The following GALR1 variants were observed in gnomAD, a reference collection of about 807,000 sequenced individuals.
GALR1 encodes the protein galanin receptor 1.
A neutral mutation model predicts 17.9 loss-of-function variants in GALR1; 11 were observed. That is an observed-to-expected ratio of 0.62 (90% confidence interval 0.39 to 1.02). The LOEUF (loss-of-function observed/expected upper bound fraction) is 1.02. Ranked by LOEUF, GALR1 falls within the 50% of genes least tolerant of loss-of-function variation. The pLI is 0.01. For synonymous variants in GALR1, 206 were observed against 205.7 expected, an observed-to-expected ratio of 1.00 and a Z score of -0.01; for missense variants, 441 against 456.9, an observed-to-expected ratio of 0.97 and a Z score of 0.32.
rs529197501 is a variant in GALR1, at chr18:77,256,288, A to C, written c.732+65A>C. ...AGCTTAGTTTACCTTTGTTTTTTTTACTTGTCCTCACGTCCATCCAAAGCC... is the reference window on the plus strand; with the variant it reads ...AGCTTAGTTTACCTTTGTTTTTTTTCCTTGTCCTCACGTCCATCCAAAGCC... On this transcript the variant is annotated intron_variant, in intron 2 of 2. Transcript: ENST00000299727. 30 of 906,710 alleles carry C rather than the reference A, an allele frequency of 3.3e-5. No individual in the cohort carries two copies. In the East Asian group the frequency reaches 5.1e-4, roughly 15 times the overall value. 56.2% of individuals were successfully genotyped at this position (906,710 alleles called of 1,614,324 possible).
intron 2 of GALR1, among the ~76,000 whole-genome samples, chr18:77,260,173 G>T (rs1912798452): frequency 6.6e-6 from 1 of 152,166 alleles, no homozygotes. Flanking sequence ...CAGTCCTGAA[G>T]CTTGGAAGCC....
intron 2 of GALR1, among the ~76,000 whole-genome samples, chr18:77,264,028 G>A (rs1224545465): frequency 6.7e-6 from 1 of 148,604 alleles, no homozygotes; most frequent in African/African-American, 2.5e-5. Flanking sequence ...CAGCTACTCA[G>A]GTAGGTGAGG....
chr18:77,252,066 A>G (rs1307181831), intron 1 of GALR1, among the ~76,000 whole-genome samples: 1 of 152,164 alleles, frequency 6.6e-6, no homozygotes, highest in Non-Finnish European at 1.5e-5. Flanking sequence ...TAACTGTAGC[A>G]GAGGCACCGT....
chr18:77,268,923 T>C lies in GALR1; in HGVS notation c.*21T>C, dbSNP rs775722901. 5.7e-6 allele frequency: 9 copies of C among 1,569,316 alleles called. No homozygotes were observed. Among genetic ancestry groups the C allele is most frequent in the East Asian group, 4.5e-5 (2 of 44,554 alleles). On this transcript the variant is annotated 3_prime_UTR_variant, in exon 3 of 3. Transcript: ENST00000299727. ...TGTGATAAAAGATAGAGTATCCTTA[T>C]GGTTGAGTTTCCATATAAGTGGACC...
chr18:77,256,011 T>C (rs929512176), intron 1 of GALR1, 147 bp from the exon 2 acceptor site: 1 of 598,502 alleles, frequency 1.7e-6, no homozygotes, highest in African/African-American at 1.9e-5. Context: ...TGTTCATTGT[T>C]ACCTAATTAC....
At chr18:77,264,003 A>G (rs12969482) in intron 2 of GALR1, among the ~76,000 whole-genome samples, 36,171 of 151,798 alleles carry the variant, frequency 0.24, 4,945 homozygotes, top group East Asian at 0.48. Flanking sequence ...GCGTGGTGGC[A>G]CACACCTGTA....
intron 2 of GALR1, among the ~76,000 whole-genome samples, chr18:77,261,411 A>G (rs940093128): frequency 1.3e-5 from 2 of 152,196 alleles, no homozygotes; most frequent in African/African-American, 4.8e-5. Flanking sequence ...TCATAAATAA[A>G]TTTTAAAAAT....
chr18:77,254,804 GT>G (rs1267001050), intron 1 of GALR1, among the ~76,000 whole-genome samples: 1 of 152,204 alleles, frequency 6.6e-6, no homozygotes, highest in Non-Finnish European at 1.5e-5. Flanking sequence ...TGTATTGAGT[GT>G]TTTCCCAAAT....
At position 77,271,638 on chromosome 18, in the gene GALR1, G is replaced by A. The variant is rs978751661; in HGVS notation, c.*2736G>A. On this transcript the variant is annotated 3_prime_UTR_variant, in exon 3 of 3. Transcript: ENST00000299727. Reference sequence around the variant, plus strand: ...GACACACTTTTTCTCCCAGCATCAGGTTGAGGGAGAAATATTGCTTATACC... The same window carrying A: ...GACACACTTTTTCTCCCAGCATCAGATTGAGGGAGAAATATTGCTTATACC... 9 of 152,158 alleles carry A rather than the reference G, an allele frequency of 5.9e-5. No individual in the cohort carries two copies. In the East Asian group the frequency reaches 1.7e-3, roughly 29 times the overall value. 9.4% of individuals were successfully genotyped at this position (152,158 alleles called of 1,614,324 possible).
intron 2 of GALR1, among the ~76,000 whole-genome samples, chr18:77,262,944 A>T (rs903823877): frequency 1.3e-5 from 2 of 152,264 alleles, no homozygotes; most frequent in African/African-American, 4.8e-5. Flanking sequence ...CACAAAGTTA[A>T]CAAACACTGC....
At chr18:77,258,135 C>G (rs1234246591) in intron 2 of GALR1, among the ~76,000 whole-genome samples, 1 of 151,816 alleles carries the variant, frequency 6.6e-6, no homozygotes, top group African/African-American at 2.4e-5. Flanking sequence ...AATAAAAAAC[C>G]TAAAGATCAG....
chr18:77,264,130 T>C (rs1375665607), intron 2 of GALR1, among the ~76,000 whole-genome samples: 5 of 64,198 alleles, frequency 7.8e-5, no homozygotes, highest in African/African-American at 2.7e-4. Context: ...CGAGACTCCA[T>C]CTCAAAAAAA....
Position 77,256,156 on chromosome 18 carries a change from A to G in GALR1, c.667-2A>G. On this transcript the variant is annotated splice_acceptor_variant, in intron 1 of 2. Transcript: ENST00000299727. LOFTEE classifies it high-confidence loss of function. The stretch of plus-strand genomic sequence containing the variant: ...CTGATTTCAATAGTCTGTGTCTTTC[A>G]GGTCCTTAATCACTTGCATAAAAAG... 1 of 1,586,932 alleles carries G rather than the reference A, an allele frequency of 6.3e-7. No individual in the cohort carries two copies.
intron 2 of GALR1, among the ~76,000 whole-genome samples, chr18:77,262,284 T>C (rs1568143105): frequency 6.6e-6 from 1 of 151,676 alleles, no homozygotes; most frequent in Admixed American, 6.6e-5. Context: ...AATCCCAGGG[T>C]TGAAATTAGT....
At position 77,268,964 on chromosome 18, in the gene GALR1, C is replaced by A; in HGVS notation, c.*62C>A. 3 of 1,249,890 alleles carry A rather than the reference C, an allele frequency of 2.4e-6. No homozygotes were observed. The highest frequency in any genetic ancestry group is 2.3e-6 in the Non-Finnish European group (2 of 873,660). 77.4% of individuals were successfully genotyped at this position (1,249,890 alleles called of 1,614,324 possible). A position where few individuals can be genotyped will look rare whatever the true frequency, so the allele number is the denominator to read the frequency against. On this transcript the variant is annotated 3_prime_UTR_variant, in exon 3 of 3. Coordinates refer to ENST00000299727, the MANE Select transcript of GALR1 (RefSeq NM_001480.4). Reference sequence around the variant, plus strand: ...TAAGTGGACCAGACACAGAAACAAACAGAATGAGCTAGTAAGCGATGCTGC... The same window carrying A: ...TAAGTGGACCAGACACAGAAACAAAAAGAATGAGCTAGTAAGCGATGCTGC...
Position 77,274,810 on chromosome 18 carries a change from A to C in GALR1, c.*5908A>C, listed in dbSNP as rs1258726024. 6.6e-6 allele frequency: 1 copy of C among 152,154 alleles called. No individual in the cohort carries two copies. The highest frequency in any genetic ancestry group is 1.5e-5 in the Non-Finnish European group (1 of 68,034). The allele number at this position is 152,154 out of a possible 1,614,324, so 9.4% of individuals were successfully genotyped here. A position where few individuals can be genotyped will look rare whatever the true frequency, so the allele number is the denominator to read the frequency against. On this transcript the variant is annotated 3_prime_UTR_variant, in exon 3 of 3. Coordinates refer to ENST00000299727, the MANE Select transcript of GALR1 (RefSeq NM_001480.4). Reference sequence around the variant, plus strand: ...ATCCTTTATTTGTGTTGACTTTCTGATTATGCCTTCATTCACTCTTTTTAT... The same window carrying C: ...ATCCTTTATTTGTGTTGACTTTCTGCTTATGCCTTCATTCACTCTTTTTAT...
rs920749751 is a variant in GALR1 at position 77,269,295 on chromosome 18, T to C, written c.*393T>C. 2 of 158,128 alleles carry C rather than the reference T, an allele frequency of 1.3e-5. No homozygotes were observed. The highest frequency in any genetic ancestry group is 3.7e-4 in the East Asian group (2 of 5,362). The allele number at this position is 158,128 out of a possible 1,614,324, so 9.8% of individuals were successfully genotyped here. On this transcript the variant is annotated 3_prime_UTR_variant, in exon 3 of 3. Coordinates refer to ENST00000299727, the MANE Select transcript of GALR1 (RefSeq NM_001480.4). ...AAGCCAATTTATTTAGAAAAAAAAA[T>C]TTGAGCTTTAATTCTTTAATTTTAA... is the stretch of plus-strand genomic sequence containing the variant.
chr18:77,251,320 T>G (rs994677844), intron 1 of GALR1, 106 bp downstream of exon 1: 2 of 1,452,576 alleles, frequency 1.4e-6, no homozygotes, highest in Non-Finnish European at 1.8e-6. Flanking sequence ...GGCGGCAGCC[T>G]GGCCCCGGTG....
intron 2 of GALR1, among the ~76,000 whole-genome samples, chr18:77,258,846 TGGTGGTGATGG>T (rs1214099658): frequency 6.3e-3 from 31 of 4,884 alleles, no homozygotes; most frequent in Admixed American, 0.022. Context: ...GTGGTGATGG[TGGTGGTGATGG>T]TGGTGGTGAT....
Sources: gnomAD v4.1 joint callset for allele counts (sites outside exome capture counted in the v4.1 genomes callset) on GRCh38, gnomAD v4.1.1 for gene constraint, MANE v1.5 for transcripts, NCBI Gene and HGNC (gene_info 2026-07-23, HGNC 2026-07-21) for gene names.